Variants in RBFOX1 observed in about 807,000 individuals in gnomAD.
The protein encoded by RBFOX1 is RNA binding protein fox-1 homolog 1.
Under a neutral mutation model 57.7 loss-of-function variants are expected in RBFOX1, and 8 were observed. The observed-to-expected ratio is 0.14, with a 90% CI of 0.08 to 0.25. RBFOX1 has a LOEUF of 0.25. Ranked by LOEUF, RBFOX1 falls within the 10% of genes least tolerant of loss-of-function variation. The pLI is 1.00. For synonymous variants in RBFOX1, 326 were observed against 222.4 expected (o/e 1.47, Z -4.15); for missense variants, 611 against 548.5 (o/e 1.11, Z -1.14).
At position 7,214,942 on chromosome 16, in the gene RBFOX1, G is replaced by C. The variant is rs371843313; in HGVS notation, c.27+162844G>C. 2.0e-5 allele frequency among the ~76,000 whole-genome samples: 3 copies of C among 152,170 alleles called. No homozygotes were observed. In the East Asian group the frequency reaches 5.8e-4, roughly 29 times the overall value. On this transcript the variant is annotated intron_variant, in intron 4 of 15. Transcript: ENST00000550418. ...CTCGGACACATGTACTGAATGTGCA[G>C]GTTTGTTACATAGGTGTCCACGTGC... is the stretch of plus-strand genomic sequence containing the variant.
chr16:7,311,284 C>G (rs533336870), intron 4 of RBFOX1, among the ~76,000 whole-genome samples: 8 of 152,006 alleles, frequency 5.3e-5, no homozygotes, highest in Non-Finnish European at 8.8e-5. Context: ...GAAACAGAAT[C>G]AAAATTAGGA....
rs369588662 is a variant in RBFOX1, at chr16:5,642,350, A to T, written c.318+43389A>T. On this transcript the variant is annotated intron_variant, in intron 3 of 19. Transcript: ENST00000641259. ...AATACATGAAAGCAATCCATGCGAGATCAAAATCCTTAATTCCAGACCTTT... is the reference window on the plus strand; with the variant it reads ...AATACATGAAAGCAATCCATGCGAGTTCAAAATCCTTAATTCCAGACCTTT... Among the ~76,000 whole-genome samples the T allele has an allele frequency of 2.0e-5, 3 of 152,354 alleles. No homozygotes were observed. In the East Asian group the frequency reaches 5.8e-4, roughly 29 times the overall value.
intron 3 of RBFOX1, among the ~76,000 whole-genome samples, chr16:7,045,331 A>T (rs866256967): frequency 5.9e-5 from 9 of 152,216 alleles, no homozygotes; most frequent in South Asian, 2.1e-4. Context: ...ATAATATGGG[A>T]TGCTGTGCAG....
chr16:7,203,217 G>T (rs1053004757), intron 4 of RBFOX1, among the ~76,000 whole-genome samples: 10 of 152,200 alleles, frequency 6.6e-5, no homozygotes, highest in Admixed American at 6.5e-4. Flanking sequence ...AACCTTAGAA[G>T]GGAAGAAAAT....
intron 2 of RBFOX1, among the ~76,000 whole-genome samples, chr16:6,577,801 A>G (rs925823153): frequency 1.3e-5 from 2 of 152,162 alleles, no homozygotes; most frequent in Admixed American, 6.5e-5. Context: ...TCCCTCCTGT[A>G]TCCCTACTAT....
At chr16:7,205,841 A>G (rs879817992) in intron 4 of RBFOX1, among the ~76,000 whole-genome samples, 2 of 152,368 alleles carry the variant, frequency 1.3e-5, no homozygotes, top group East Asian at 3.9e-4. Flanking sequence ...GTGTGTAGTA[A>G]TTACTGAGGA....
At chr16:6,010,636 C>G (rs1216420526) in intron 4 of RBFOX1, among the ~76,000 whole-genome samples, 1 of 152,208 alleles carries the variant, frequency 6.6e-6, no homozygotes, top group African/African-American at 2.4e-5. Flanking sequence ...TGAGCCACCC[C>G]TAAAGCAATG....
At chr16:7,340,259 T>C (rs1316878121) in intron 4 of RBFOX1, among the ~76,000 whole-genome samples, 1 of 152,262 alleles carries the variant, frequency 6.6e-6, no homozygotes, top group Non-Finnish European at 1.5e-5. Flanking sequence ...TCACAGACAT[T>C]CAAACCTGTG....
intron 1 of RBFOX1, among the ~76,000 whole-genome samples, chr16:6,265,720 C>T (rs2074398353): frequency 6.6e-6 from 1 of 152,174 alleles, no homozygotes; most frequent in Non-Finnish European, 1.5e-5. Flanking sequence ...CTTTTCTTTA[C>T]CATGTTAGCT....
intron 4 of RBFOX1, among the ~76,000 whole-genome samples, chr16:7,431,500 C>G (rs1230924066): frequency 1.3e-5 from 2 of 152,152 alleles, no homozygotes; most frequent in Admixed American, 6.5e-5. Flanking sequence ...TTTGGCCTCC[C>G]AAAGTGTGGG....
At chr16:7,483,462 T>C (rs1218415065) in intron 4 of RBFOX1, among the ~76,000 whole-genome samples, 1 of 152,196 alleles carries the variant, frequency 6.6e-6, no homozygotes, top group Non-Finnish European at 1.5e-5. Context: ...ATAAGCACTT[T>C]GTGGTGTCTT....
At chr16:6,938,265 C>G (rs1452510290) in intron 3 of RBFOX1, among the ~76,000 whole-genome samples, 1 of 152,108 alleles carries the variant, frequency 6.6e-6, no homozygotes, top group Non-Finnish European at 1.5e-5. Flanking sequence ...TACAATAATG[C>G]TGCGCAGATC....
At chr16:6,103,320 A>T (rs1034358501) in intron 1 of RBFOX1, among the ~76,000 whole-genome samples, 1 of 152,300 alleles carries the variant, frequency 6.6e-6, no homozygotes, top group African/African-American at 2.4e-5. Context: ...GGGAGAAGTG[A>T]TAATGGTATT....
intron 3 of RBFOX1, among the ~76,000 whole-genome samples, chr16:5,761,385 G>A (rs1432060241): frequency 6.6e-6 from 1 of 152,184 alleles, no homozygotes. Flanking sequence ...CAAGGAATAT[G>A]TTCATAGAGT....
intron 3 of RBFOX1, among the ~76,000 whole-genome samples, chr16:5,723,646 T>A (rs542847345): frequency 9.9e-5 from 15 of 152,138 alleles, no homozygotes; most frequent in Admixed American, 8.5e-4. Context: ...TTTTGAGACC[T>A]TTGGTCTAAG....
At chr16:7,001,457 T>C (rs2153634073) in intron 3 of RBFOX1, among the ~76,000 whole-genome samples, 1 of 150,550 alleles carries the variant, frequency 6.6e-6, no homozygotes, top group Middle Eastern at 3.4e-3. Context: ...TGTATATGTA[T>C]ACGTGTATGT....
chr16:7,140,363 A>G (rs1006083968), intron 4 of RBFOX1, among the ~76,000 whole-genome samples: 7 of 127,656 alleles, frequency 5.5e-5, no homozygotes, highest in African/African-American at 1.2e-4. Flanking sequence ...CTGAGTCTGT[A>G]TGATAGGATT....
intron 3 of RBFOX1, among the ~76,000 whole-genome samples, chr16:6,882,228 TCCAC>T (rs2063093797): frequency 6.6e-6 from 1 of 152,094 alleles, no homozygotes; most frequent in Non-Finnish European, 1.5e-5. Flanking sequence ...ATTTGCAGTC[TCCAC>T]CTTAGAGAGA....
intron 3 of RBFOX1, among the ~76,000 whole-genome samples, chr16:7,034,403 A>T (rs1209590403): frequency 2.6e-5 from 4 of 152,078 alleles, no homozygotes; most frequent in African/African-American, 7.2e-5. Context: ...TCAATGCACC[A>T]GGGGTCTCGG....
Sources: gnomAD v4.1 joint callset for allele counts (sites outside exome capture counted in the v4.1 genomes callset) on GRCh38, gnomAD v4.1.1 for gene constraint, MANE v1.5 for transcripts, NCBI Gene and HGNC (gene_info 2026-07-23, HGNC 2026-07-21) for gene names.